The following CNOT1 variants were observed in gnomAD, a reference collection of about 807,000 sequenced individuals.
CNOT1 encodes CCR4-NOT transcription complex subunit 1, also known as CCR4-associated factor 1.
Under a neutral mutation model 273.8 loss-of-function variants are expected in CNOT1, and 15 were observed. The observed-to-expected ratio is 0.05, with a 90% CI of 0.04 to 0.08. The LOEUF is 0.08. CNOT1 is among the 10% of genes least tolerant of loss of function. The probability of loss-of-function intolerance (pLI) is 1.00; values close to 1 mark genes in which losing one functional copy is unlikely to be tolerated. For missense variants in CNOT1, 1,644 were observed against 2,912.2 expected, an observed-to-expected ratio of 0.56 and a Z score of 10.02; for synonymous variants, 1,022 against 1,005.5, an observed-to-expected ratio of 1.02 and a Z score of -0.31.
At position 58,600,959 on chromosome 16, in the gene CNOT1, G is replaced by A. The variant is rs1039291582; in HGVS notation, c.-174-1448C>T. Reference sequence around the variant, plus strand: ...CCATCTCTATTCTGTTGTTGTTGCTGTTGTTGTTGTTTTTGAGACAGTTTC... The same window carrying A: ...CCATCTCTATTCTGTTGTTGTTGCTATTGTTGTTGTTTTTGAGACAGTTTC... On this transcript the variant is annotated intron_variant, in intron 1 of 48. Coordinates refer to ENST00000317147, the MANE Select transcript of CNOT1 (RefSeq NM_016284.5). 4.6e-5 allele frequency among the ~76,000 whole-genome samples: 7 copies of A among 152,172 alleles called. No individual in the cohort carries two copies. In the South Asian group the frequency reaches 1.5e-3, roughly 32 times the overall value.
chr16:58,535,883 G>A (rs1342874322), intron 39 of CNOT1, among the ~76,000 whole-genome samples: 11 of 151,898 alleles, frequency 7.2e-5, no homozygotes, highest in African/African-American at 2.7e-4. Flanking sequence ...ACAGGCACCC[G>A]CCACCACACC....
intron 16 of CNOT1, among the ~76,000 whole-genome samples, chr16:58,571,547 G>C (rs1023885596): frequency 6.6e-6 from 1 of 151,852 alleles, no homozygotes; most frequent in African/African-American, 2.4e-5. Flanking sequence ...GTGACACAGC[G>C]AGACACAAGA....
At chr16:58,543,445 C>A in intron 31 of CNOT1, 162 bp downstream of exon 31, 2 of 1,491,214 alleles carry the variant, frequency 1.3e-6, no homozygotes, top group South Asian at 2.7e-5. Context: ...TGATGCTTTG[C>A]CTCACAGAAT....
At chr16:58,573,331 A>G (rs1203335682) in intron 16 of CNOT1, among the ~76,000 whole-genome samples, 1 of 151,954 alleles carries the variant, frequency 6.6e-6, no homozygotes, top group East Asian at 1.9e-4. Context: ...GAAAGAAAAA[A>G]AGAAAAAAAT....
chr16:58,629,733 G>A lies in CNOT1; in HGVS notation c.-180C>T, dbSNP rs1474373012. 1.3e-5 allele frequency: 2 copies of A among 152,512 alleles called. No individual in the cohort carries two copies. The highest frequency in any genetic ancestry group is 2.4e-5 in the African/African-American group (1 of 41,452). The allele number at this position is 152,512 out of a possible 1,614,324, so 9.4% of individuals were successfully genotyped here. A position where few individuals can be genotyped will look rare whatever the true frequency, so the allele number is the denominator to read the frequency against. The stretch of plus-strand genomic sequence containing the variant: ...CTGACGCCAACCCGCCTCACCTCAG[G>A]CGGCTCCGGCAGCGCTGGACACAGG... On this transcript the variant is annotated 5_prime_UTR_variant, in exon 1 of 49. Coordinates refer to ENST00000317147, the MANE Select transcript of CNOT1 (RefSeq NM_016284.5).
At chr16:58,620,228 A>C (rs953536109) in intron 1 of CNOT1, among the ~76,000 whole-genome samples, 11 of 152,332 alleles carry the variant, frequency 7.2e-5, no homozygotes, top group African/African-American at 2.6e-4. Context: ...CACTTAAGTG[A>C]AACTGGCCAA....
intron 44 of CNOT1, 57 bp downstream of exon 44, chr16:58,528,418 A>T: frequency 8.0e-7 from 1 of 1,254,738 alleles, no homozygotes; most frequent in Non-Finnish European, 1.2e-6. Flanking sequence ...TCTACTTATC[A>T]GAGAAAGGAC....
intron 21 of CNOT1, 37 bp from the exon 22 acceptor site, chr16:58,553,897 G>C: frequency 6.4e-7 from 1 of 1,568,254 alleles, no homozygotes. Context: ...TTTCATGTCA[G>C]AACAGAAGCA....
intron 16 of CNOT1, among the ~76,000 whole-genome samples, chr16:58,572,984 T>G (rs2151961711): frequency 6.6e-6 from 1 of 150,944 alleles, no homozygotes; most frequent in South Asian, 2.1e-4. Flanking sequence ...GTACAAGATG[T>G]ACACTGAAAA....
chr16:58,598,145 T>G (rs970173045), intron 2 of CNOT1, among the ~76,000 whole-genome samples: 7 of 151,858 alleles, frequency 4.6e-5, no homozygotes, highest in African/African-American at 1.7e-4. Flanking sequence ...ACACCTGTAA[T>G]CCTAGCACTT....
chr16:58,611,658 T>C (rs1054563149), intron 1 of CNOT1, among the ~76,000 whole-genome samples: 4 of 151,336 alleles, frequency 2.6e-5, no homozygotes, highest in African/African-American at 7.3e-5. Context: ...TTGTCTCTAC[T>C]AAAAATACAA....
chr16:58,549,647 A>G, intron 25 of CNOT1, 72 bp downstream of exon 25: 1 of 1,513,698 alleles, frequency 6.6e-7, no homozygotes, highest in South Asian at 1.3e-5. Flanking sequence ...AATAGCAAAA[A>G]TCCTACCTAT....
At chr16:58,604,864 T>C (rs13339147) in intron 1 of CNOT1, among the ~76,000 whole-genome samples, 109,961 of 144,708 alleles carry the variant, frequency 0.76, 41,863 homozygotes, top group Middle Eastern at 0.85. Context: ...AAGCCGGGTG[T>C]GGTGGCTCAT....
At chr16:58,525,958 C>T (rs1045473842) in intron 45 of CNOT1, 31 bp downstream of exon 45, 23 of 1,602,148 alleles carry the variant, frequency 1.4e-5, no homozygotes, top group East Asian at 4.5e-5. Flanking sequence ...ATATGGAAGA[C>T]GTAGATGAGT....
intron 1 of CNOT1, among the ~76,000 whole-genome samples, chr16:58,615,021 A>G (rs2043026016): frequency 1.6e-5 from 1 of 62,628 alleles, no homozygotes; most frequent in African/African-American, 8.3e-5. Flanking sequence ...ATCCTTTGCT[A>G]TTTAAAAAAA....
intron 2 of CNOT1, among the ~76,000 whole-genome samples, chr16:58,596,327 T>C (rs1431283111): frequency 1.3e-5 from 2 of 152,184 alleles, no homozygotes; most frequent in African/African-American, 2.4e-5. Context: ...ATATGCTCCA[T>C]GCCTGTGTGA....
intron 2 of CNOT1, among the ~76,000 whole-genome samples, chr16:58,592,150 C>T (rs1327323116): frequency 6.6e-6 from 1 of 151,684 alleles, no homozygotes; most frequent in African/African-American, 2.4e-5. Context: ...CTATTTTAAG[C>T]AAAAAAGTGT....
intron 1 of CNOT1, chr16:58,624,828 A>C (rs372691404): frequency 3.3e-5 from 5 of 152,258 alleles, no homozygotes; most frequent in African/African-American, 1.2e-4. Flanking sequence ...AAAAAACTCA[A>C]CAAATGGCTT....
Position 58,618,153 on chromosome 16 carries a change from G to A in CNOT1, c.-175+11575C>T, listed in dbSNP as rs373164108. On this transcript the variant is annotated intron_variant, in intron 1 of 48. Transcript: ENST00000317147. ...AACAGTTTATGCATAACTATTTTGT[G>A]GTGGATTGTGTACTTGCACCTGCAA... Among the ~76,000 whole-genome samples, 34 of 152,244 alleles carry A rather than the reference G, an allele frequency of 2.2e-4. No individual in the cohort carries two copies. The South Asian group carries it at 6.6e-3, about 30-fold the overall frequency.
Sources: allele counts gnomAD v4.1 joint callset (sites outside exome capture counted in the v4.1 genomes callset), GRCh38; gene constraint gnomAD v4.1.1; transcripts MANE v1.5; gene names NCBI Gene and HGNC (gene_info 2026-07-23, HGNC 2026-07-21).